NDUFAF6: variants seen among roughly 807,000 people sequenced by gnomAD.
NDUFAF6 encodes the protein NADH dehydrogenase (ubiquinone) complex I, assembly factor 6.
Under a neutral mutation model 40.8 loss-of-function variants are expected in NDUFAF6, and 45 were observed. That is an observed-to-expected ratio of 1.10 (90% CI 0.87 to 1.42). The LOEUF (loss-of-function observed/expected upper bound fraction) is 1.42, where lower values mean the gene tolerates loss of function less well. Ranked by LOEUF, NDUFAF6 falls within the 40% of genes most tolerant of loss-of-function variation. The pLI, the probability that NDUFAF6 is intolerant of heterozygous loss-of-function variation, is 0.00. For missense variants in NDUFAF6, 435 were observed against 418.5 expected, an observed-to-expected ratio of 1.04 and a Z score of -0.34; for synonymous variants, 185 against 155.9, an observed-to-expected ratio of 1.19 and a Z score of -1.39.
chr8:95,111,517 C>T (rs759036123), intron 4 of NDUFAF6, among the ~76,000 whole-genome samples: 10 of 152,198 alleles, frequency 6.6e-5, no homozygotes, highest in Non-Finnish European at 1.2e-4. Context: ...GACATTCTTT[C>T]CTCTTGCTGT....
chr8:94,943,917 C>G (rs1821771123), intron 1 of NDUFAF6, among the ~76,000 whole-genome samples: 1 of 152,194 alleles, frequency 6.6e-6, no homozygotes, highest in Admixed American at 6.5e-5. Flanking sequence ...CAGCTTTATG[C>G]TCTATGTAAG....
intron 2 of NDUFAF6, among the ~76,000 whole-genome samples, chr8:95,082,625 C>T (rs1486622092): frequency 6.7e-6 from 1 of 149,804 alleles, no homozygotes; most frequent in Non-Finnish European, 1.5e-5. Flanking sequence ...TGTTCCTTAG[C>T]ATTCTTTTTG....
chr8:94,996,292 G>C (rs1465916894), intron 2 of NDUFAF6, among the ~76,000 whole-genome samples: 1 of 152,058 alleles, frequency 6.6e-6, no homozygotes, highest in Non-Finnish European at 1.5e-5. Flanking sequence ...CATCCCTTCT[G>C]TGCCCAGGAA....
intron 1 of NDUFAF6, among the ~76,000 whole-genome samples, chr8:94,958,561 G>A (rs1410547174): frequency 1.8e-5 from 2 of 110,318 alleles, no homozygotes; most frequent in East Asian, 5.5e-4. Context: ...TTGAGATGGA[G>A]TCTTGCTCTG....
chr8:94,922,462 C>T (rs904250235), intron 1 of NDUFAF6, among the ~76,000 whole-genome samples: 4 of 146,080 alleles, frequency 2.7e-5, no homozygotes, highest in Non-Finnish European at 6.0e-5. Flanking sequence ...AACAGACCTA[C>T]TGGATTAGAA....
intron 2 of NDUFAF6, among the ~76,000 whole-genome samples, chr8:94,989,836 C>T (rs1301089290): frequency 6.6e-6 from 1 of 152,170 alleles, no homozygotes; most frequent in African/African-American, 2.4e-5. Context: ...AAGCGATCCT[C>T]CTACATCAGC....
chr8:95,100,734 T>C (rs1251725365), intron 1 of NDUFAF6, among the ~76,000 whole-genome samples: 1 of 152,242 alleles, frequency 6.6e-6, no homozygotes. Flanking sequence ...ATATCCATTG[T>C]GTCCATAAAC....
At chr8:94,915,319 T>A (rs1819059069) in intron 1 of NDUFAF6, among the ~76,000 whole-genome samples, 1 of 152,184 alleles carries the variant, frequency 6.6e-6, no homozygotes, top group Admixed American at 6.5e-5. Flanking sequence ...GAACACCTGA[T>A]ACTTGGTTTT....
chr8:95,036,318 G>GT (rs1463822335), intron 3 of NDUFAF6: 4 of 1,286,624 alleles, frequency 3.1e-6, no homozygotes, highest in Non-Finnish European at 4.1e-6. Context: ...CCAAAAGAGG[G>GT]TTTCTGTAAC....
chr8:94,973,763 C>T (rs1204560569), intron 1 of NDUFAF6, among the ~76,000 whole-genome samples: 2 of 149,542 alleles, frequency 1.3e-5, no homozygotes, highest in African/African-American at 4.9e-5. Flanking sequence ...CTCACACCTG[C>T]AAACCCAGTG....
At chr8:95,063,207 T>A (rs756529777), downstream of NDUFAF6, among the ~76,000 whole-genome samples, 7 of 152,222 alleles carry the variant, frequency 4.6e-5, no homozygotes, top group Non-Finnish European at 1.0e-4. Flanking sequence ...TGTTTCTAAT[T>A]TAATCATATC....
chr8:94,923,152 G>A (rs538900922), intron 1 of NDUFAF6, among the ~76,000 whole-genome samples: 8 of 152,312 alleles, frequency 5.3e-5, no homozygotes, highest in African/African-American at 1.9e-4. Context: ...CGGATAGGAA[G>A]GAGGGTGGCC....
At chr8:95,036,480 A>G in intron 3 of NDUFAF6, 1 of 1,289,396 alleles carries the variant, frequency 7.8e-7, no homozygotes, top group Non-Finnish European at 1.0e-6. Context: ...GAGAAGAAAA[A>G]GTGGATGGGA....
chr8:95,096,230 A>G (rs1226613614), upstream of NDUFAF6, among the ~76,000 whole-genome samples: 3 of 152,184 alleles, frequency 2.0e-5, no homozygotes, highest in Non-Finnish European at 4.4e-5. Context: ...AGTTGGAGTG[A>G]GAGAGCACTG....
At chr8:95,098,183 G>A (rs913368339), upstream of NDUFAF6, among the ~76,000 whole-genome samples, 3 of 152,148 alleles carry the variant, frequency 2.0e-5, no homozygotes, top group Non-Finnish European at 4.4e-5. Flanking sequence ...TTCCTAACTG[G>A]GGGAAAGATG....
At chr8:94,932,238 G>A in intron 1 of NDUFAF6, 2 of 895,054 alleles carry the variant, frequency 2.2e-6, no homozygotes, top group East Asian at 2.7e-5. Flanking sequence ...ACGTACATGT[G>A]CTTAAGATAA....
chr8:95,094,751 C>CTTTTTT (rs1468304699), intron 2 of NDUFAF6, among the ~76,000 whole-genome samples: 1 of 19,440 alleles, frequency 5.1e-5, no homozygotes, highest in Non-Finnish European at 8.7e-5. Flanking sequence ...TCTTCTTCTT[C>CTTTTTT]TTTTTTTTTT....
At chr8:95,105,664 G>C (rs919857628), downstream of NDUFAF6, among the ~76,000 whole-genome samples, 1 of 152,088 alleles carries the variant, frequency 6.6e-6, no homozygotes, top group African/African-American at 2.4e-5. Flanking sequence ...ACCATGTTCA[G>C]CTAATTTTTT....
intron 1 of NDUFAF6, among the ~76,000 whole-genome samples, chr8:94,932,903 A>T (rs1820566027): frequency 6.6e-6 from 1 of 152,268 alleles, no homozygotes. Context: ...TCCTGTGTAC[A>T]AAAAGGATTC....
Sources: allele counts gnomAD v4.1 joint callset (sites outside exome capture counted in the v4.1 genomes callset), GRCh38; gene constraint gnomAD v4.1.1; transcripts MANE v1.5; gene names NCBI Gene and HGNC (gene_info 2026-07-23, HGNC 2026-07-21).